Variants in PPP1R17 observed in about 807,000 individuals in gnomAD.
The protein encoded by PPP1R17 is G-substrate.
Under a neutral mutation model 15.9 loss-of-function variants are expected in PPP1R17, and 12 were observed. That is an observed-to-expected ratio of 0.75 (90% confidence interval 0.48 to 1.22). The LOEUF (loss-of-function observed/expected upper bound fraction) is 1.22. Among genes scored for constraint, PPP1R17 ranks in the 50% most tolerant of loss-of-function variants. The pLI is 0.00. For missense variants in PPP1R17, 211 were observed against 187.3 expected (o/e 1.13, Z -0.74); for synonymous variants, 63 against 64.5 (o/e 0.98, Z 0.11).
intron 4 of PPP1R17, among the ~76,000 whole-genome samples, chr7:31,704,843 C>T (rs986579044): frequency 8.5e-5 from 13 of 152,140 alleles, no homozygotes; most frequent in African/African-American, 3.1e-4. Context: ...TGCACCTCTG[C>T]TTCCCCTGAA....
chr7:31,698,179 A>G (rs572884883), intron 4 of PPP1R17, among the ~76,000 whole-genome samples: 5 of 152,320 alleles, frequency 3.3e-5, no homozygotes, highest in Admixed American at 6.5e-5. Flanking sequence ...TTATAAAACT[A>G]TATTTCCCCA....
At chr7:31,698,285 G>C (rs1301189559) in intron 4 of PPP1R17, among the ~76,000 whole-genome samples, 2 of 152,212 alleles carry the variant, frequency 1.3e-5, no homozygotes, top group Non-Finnish European at 2.9e-5. Context: ...AGCCACATTA[G>C]AGGCTCTGGT....
At chr7:31,692,550 C>T (rs1300678456) in intron 2 of PPP1R17, 27 bp downstream of exon 2, 2 of 1,562,234 alleles carry the variant, frequency 1.3e-6, no homozygotes, top group South Asian at 2.2e-5. Context: ...TTGTGAATGT[C>T]AGTGGTGGAA....
intron 4 of PPP1R17, among the ~76,000 whole-genome samples, chr7:31,699,349 G>A (rs1028595839): frequency 3.3e-5 from 5 of 152,144 alleles, no homozygotes; most frequent in African/African-American, 9.7e-5. Context: ...AACAGAGAGG[G>A]GAGCAAGCTA....
intron 4 of PPP1R17, 58 bp from the exon 5 acceptor site, chr7:31,707,146 C>T (rs773577228): frequency 1.4e-5 from 21 of 1,499,418 alleles, no homozygotes; most frequent in South Asian, 1.4e-4. Flanking sequence ...CTGTCTGCAA[C>T]GTTGCCTAAT....
intron 1 of PPP1R17, among the ~76,000 whole-genome samples, chr7:31,689,624 T>A (rs1792255031): frequency 6.6e-6 from 1 of 152,066 alleles, no homozygotes; most frequent in African/African-American, 2.4e-5. Context: ...CCCTTCTCAC[T>A]GAGGATAGAA....
At position 31,697,104 on chromosome 7, in the gene PPP1R17, C is replaced by T. The variant is rs755906499; in HGVS notation, c.375C>T (p.Ser125=). ...AAGACACACCTGCCCTGCACATGTCCCCCTTTGCAGCAGGTAAAAAAGCTG... is the reference window on the plus strand; with the variant it reads ...AAGACACACCTGCCCTGCACATGTCTCCCTTTGCAGCAGGTAAAAAAGCTG... The part of the protein sequence containing the change: ...RRKDTPALHM[S]PFAAGVTLLR... Residue 125 remains serine, a synonymous_variant, in exon 4 of 5, where the codon TCC becomes TCT. Coordinates refer to ENST00000342032, the MANE Select transcript of PPP1R17 (RefSeq NM_006658.5). The T allele has an allele frequency of 4.3e-6, 7 of 1,613,924 alleles. No individual in the cohort carries two copies. In the South Asian group the frequency reaches 6.6e-5, roughly 15 times the overall value.
chr7:31,704,431 C>T (rs1183270084), intron 4 of PPP1R17, among the ~76,000 whole-genome samples: 2 of 152,174 alleles, frequency 1.3e-5, no homozygotes, highest in African/African-American at 2.4e-5. Context: ...ACCCACTAAG[C>T]TCTTACAAGC....
rs1242701003 is a variant in PPP1R17, at chr7:31,687,230, G to GGAGC, written c.-112_-109dup. Reference sequence around the variant, plus strand: ...GGCCAGCAGCAGCCACTGCCGCAGAGGAGCCAGGCCCAGCCTCGGTGAGCA... The same window carrying GGAGC: ...GGCCAGCAGCAGCCACTGCCGCAGAGGAGCGAGCCAGGCCCAGCCTCGGTGAGCA... On this transcript the variant is annotated 5_prime_UTR_variant, in exon 1 of 5. Coordinates refer to ENST00000342032, the MANE Select transcript of PPP1R17 (RefSeq NM_006658.5). 6.6e-6 allele frequency: 1 copy of GGAGC among 152,612 alleles called. No homozygotes were observed. The highest frequency in any genetic ancestry group is 1.5e-5 in the Non-Finnish European group (1 of 68,358). 9.5% of individuals were successfully genotyped at this position (152,612 alleles called of 1,614,324 possible).
chr7:31,695,400 CCAAA>C (rs947943028), intron 2 of PPP1R17, 65 bp from the exon 3 acceptor site: 8 of 1,436,954 alleles, frequency 5.6e-6, no homozygotes, highest in African/African-American at 1.4e-5. Context: ...CAATTAGGAA[CCAAA>C]CAGTTTGTGA....
At chr7:31,691,820 AAAC>A (rs1792363075) in intron 1 of PPP1R17, among the ~76,000 whole-genome samples, 1 of 151,260 alleles carries the variant, frequency 6.6e-6, no homozygotes, top group Non-Finnish European at 1.5e-5. Flanking sequence ...AAAAAAAAAA[AAAC>A]CAAGCAAAAA....
chr7:31,703,487 A>G (rs1792940230), intron 4 of PPP1R17, among the ~76,000 whole-genome samples: 1 of 152,242 alleles, frequency 6.6e-6, no homozygotes, highest in African/African-American at 2.4e-5. Flanking sequence ...TGTATGCATT[A>G]TGGAATTCCT....
intron 2 of PPP1R17, among the ~76,000 whole-genome samples, chr7:31,694,271 T>C (rs1792475775): frequency 6.6e-6 from 1 of 152,190 alleles, no homozygotes; most frequent in East Asian, 1.9e-4. Flanking sequence ...CTAAGTTTAG[T>C]GGAAGGTTAG....
Position 31,708,233 on chromosome 7 carries a change from G to A in PPP1R17, c.*950G>A, listed in dbSNP as rs1793149376. 1 of 152,192 alleles carries A rather than the reference G, an allele frequency of 6.6e-6. No individual in the cohort carries two copies. 9.4% of individuals were successfully genotyped at this position (152,192 alleles called of 1,614,324 possible). ...CAGCCTGCAATCTGTGGATGCCCAG[G>A]GGAAGGCATACAGGCCTCATCCACC... On this transcript the variant is annotated 3_prime_UTR_variant, in exon 5 of 5. Transcript: ENST00000342032.
At chr7:31,704,385 C>T (rs575214949) in intron 4 of PPP1R17, among the ~76,000 whole-genome samples, 1 of 152,224 alleles carries the variant, frequency 6.6e-6, no homozygotes, top group East Asian at 1.9e-4. Flanking sequence ...GCTGATTGGC[C>T]CTTGGAGACT....
intron 4 of PPP1R17, 43 bp downstream of exon 4, chr7:31,697,160 C>A: frequency 6.2e-7 from 1 of 1,606,622 alleles, no homozygotes; most frequent in Non-Finnish European, 8.5e-7. Context: ...GTGATGGGGA[C>A]AGGTCAAGAA....
At chr7:31,696,150 C>T (rs1216581289) in intron 3 of PPP1R17, 2 of 152,350 alleles carry the variant, frequency 1.3e-5, no homozygotes. Flanking sequence ...GCTAACATGT[C>T]TCTGTAACAC....
intron 4 of PPP1R17, among the ~76,000 whole-genome samples, chr7:31,704,337 T>C (rs1416213953): frequency 6.6e-6 from 1 of 152,190 alleles, no homozygotes; most frequent in Admixed American, 6.5e-5. Flanking sequence ...TAGATGGGGC[T>C]CTGGGTGGGA....
chr7:31,704,967 G>C (rs183995261), intron 4 of PPP1R17, among the ~76,000 whole-genome samples: 1 of 152,276 alleles, frequency 6.6e-6, no homozygotes, highest in East Asian at 1.9e-4. Context: ...AGATACTCCT[G>C]ACTTAAGGCT....
Sources: gnomAD v4.1 joint callset for allele counts (sites outside exome capture counted in the v4.1 genomes callset) on GRCh38, gnomAD v4.1.1 for gene constraint, MANE v1.5 for transcripts, NCBI Gene and HGNC (gene_info 2026-07-23, HGNC 2026-07-21) for gene names.